Variants in TRIM55 observed in about 807,000 individuals in gnomAD.
TRIM55 encodes the protein tripartite motif-containing protein 55.
Under a neutral mutation model 60.9 loss-of-function variants are expected in TRIM55, and 50 were observed. The observed-to-expected ratio is 0.82, with a 90% CI of 0.65 to 1.04. The LOEUF (loss-of-function observed/expected upper bound fraction) is 1.04, where lower values mean the gene tolerates loss of function less well. Ranked by LOEUF, TRIM55 falls within the 50% of genes least tolerant of loss-of-function variation. The probability of loss-of-function intolerance (pLI) is 0.00; values close to 1 mark genes in which losing one functional copy is unlikely to be tolerated. For synonymous variants in TRIM55, 237 were observed against 238.1 expected (o/e 1.00, Z 0.04); for missense variants, 681 against 666.9 (o/e 1.02, Z -0.23).
intron 4 of TRIM55, among the ~76,000 whole-genome samples, chr8:66,142,075 A>C (rs1809848939): frequency 6.6e-6 from 1 of 152,222 alleles, no homozygotes; most frequent in South Asian, 2.1e-4. Context: ...TCAGCGTTAC[A>C]GTGGGGATGA....
upstream of TRIM55, among the ~76,000 whole-genome samples, chr8:66,125,200 C>T (rs921993526): frequency 2.0e-5 from 3 of 152,206 alleles, no homozygotes; most frequent in Admixed American, 6.5e-5. Context: ...TGGCACGCGC[C>T]CTTAACCTTG....
intron 9 of TRIM55, among the ~76,000 whole-genome samples, chr8:66,164,990 T>C (rs1398631175): frequency 1.3e-5 from 2 of 151,848 alleles, no homozygotes; most frequent in Non-Finnish European, 2.9e-5. Context: ...ACTTATGGTT[T>C]AAATGGTTTA....
chr8:66,151,903 G>A (rs1373542920), intron 7 of TRIM55, among the ~76,000 whole-genome samples: 1 of 150,850 alleles, frequency 6.6e-6, no homozygotes, highest in Non-Finnish European at 1.5e-5. Context: ...TAAAAGAGTC[G>A]TGACATTAAT....
At chr8:66,138,732 TCA>T (rs543038035) in intron 4 of TRIM55, among the ~76,000 whole-genome samples, 40 of 152,246 alleles carry the variant, frequency 2.6e-4, no homozygotes, top group Non-Finnish European at 5.4e-4. Context: ...ACAAGGAGAT[TCA>T]GTTTCTCAGT....
Position 66,152,411 on chromosome 8 carries a change from A to G in TRIM55, c.1020A>G (p.Glu340=). 6.2e-7 allele frequency: 1 copy of G among 1,609,410 alleles called. No individual in the cohort carries two copies. Among genetic ancestry groups the G allele is most frequent in the South Asian group, 1.1e-5 (1 of 90,642 alleles). The change falls in exon 8 of 10, where the codon GAA becomes GAG. Residue 340 remains glutamate (E), a synonymous_variant. Transcript: ENST00000315962. ...DEDEEEEEGG[E]GEKEGEGEVG... ...ATGAAGAAGAAGAAGAAGGCGGAGA[A>G]GGAGAAAAAGAAGGAGAAGGAGAAG...
chr8:66,154,028 T>C lies in TRIM55; in HGVS notation c.1237-19T>C. The stretch of plus-strand genomic sequence containing the variant: ...CTTTTTTTTTTTCTTTACTTTTGAA[T>C]TTATCTGTCCTGATTAAGGGGGAGG... On this transcript the variant is annotated intron_variant, in intron 8 of 9. Transcript: ENST00000315962. The C allele has an allele frequency of 6.4e-7, 1 of 1,563,824 alleles. No individual in the cohort carries two copies.
At chr8:66,121,631 G>A in the TRIM55 span, among the ~76,000 whole-genome samples, 1 of 152,164 alleles carries the variant, frequency 6.6e-6, no homozygotes, top group Non-Finnish European at 1.5e-5. Flanking sequence ...TGTTAAACTG[G>A]GTTCAAATAA....
intron 4 of TRIM55, among the ~76,000 whole-genome samples, chr8:66,138,152 A>G (rs991124081): frequency 1.3e-5 from 2 of 152,106 alleles, no homozygotes; most frequent in Non-Finnish European, 2.9e-5. Flanking sequence ...TTCATGGCAT[A>G]TAGTTCTCAT....
chr8:66,146,908 A>G (rs1810124407), intron 4 of TRIM55, among the ~76,000 whole-genome samples: 1 of 152,118 alleles, frequency 6.6e-6, no homozygotes, highest in Non-Finnish European at 1.5e-5. Context: ...GACTTCAAGC[A>G]TTTTCATCCC....
At chr8:66,117,775 C>G in the TRIM55 span, among the ~76,000 whole-genome samples, 2 of 152,040 alleles carry the variant, frequency 1.3e-5, no homozygotes, top group Non-Finnish European at 2.9e-5. Context: ...CAGACATGGG[C>G]CATTGGGAAG....
chr8:66,136,557 A>G (rs553409423), intron 3 of TRIM55, among the ~76,000 whole-genome samples: 1 of 152,238 alleles, frequency 6.6e-6, no homozygotes, highest in Non-Finnish European at 1.5e-5. Flanking sequence ...GAACAATAGA[A>G]TCTCTTCCTA....
At chr8:66,158,458 C>T (rs1810871540) in intron 9 of TRIM55, among the ~76,000 whole-genome samples, 1 of 152,092 alleles carries the variant, frequency 6.6e-6, no homozygotes, top group South Asian at 2.1e-4. Context: ...CTGTGGGGAT[C>T]CAAAAGTTAG....
At chr8:66,171,766 G>A (rs983043067) in intron 9 of TRIM55, among the ~76,000 whole-genome samples, 1 of 152,158 alleles carries the variant, frequency 6.6e-6, no homozygotes, top group African/African-American at 2.4e-5. Context: ...TTGATTTGAT[G>A]GGCTGTGCTT....
In TRIM55 at chr8:66,137,077, A is replaced by G; in HGVS notation, c.508-18A>G. On this transcript the variant is annotated intron_variant, in intron 3 of 9. Transcript: ENST00000315962. ...AGGAAACCCCTAAGATATTGGGTTC[A>G]TGTTTTCTCTTCATTAGTCTGAGCT... is the stretch of plus-strand genomic sequence containing the variant. The G allele has an allele frequency of 1.2e-6, 2 of 1,610,784 alleles. No homozygotes were observed. Among genetic ancestry groups the G allele is most frequent in the African/African-American group, 1.3e-5 (1 of 74,940 alleles).
At chr8:66,170,545 G>C (rs926035216) in intron 9 of TRIM55, among the ~76,000 whole-genome samples, 1 of 152,184 alleles carries the variant, frequency 6.6e-6, no homozygotes. Flanking sequence ...CTTGGCTATT[G>C]TGAATAATGT....
chr8:66,118,464 T>G, the TRIM55 span, among the ~76,000 whole-genome samples: 1 of 152,138 alleles, frequency 6.6e-6, no homozygotes, highest in African/African-American at 2.4e-5. Context: ...ATATGCAAGC[T>G]ACCTATTGCC....
At chr8:66,146,286 TA>T (rs910823522) in intron 4 of TRIM55, among the ~76,000 whole-genome samples, 4 of 151,790 alleles carry the variant, frequency 2.6e-5, no homozygotes, top group African/African-American at 9.7e-5. Context: ...ATAAGTTATT[TA>T]AAAAAACAGA....
At chr8:66,117,597 T>A in the TRIM55 span, among the ~76,000 whole-genome samples, 1 of 152,182 alleles carries the variant, frequency 6.6e-6, no homozygotes, top group Non-Finnish European at 1.5e-5. Flanking sequence ...GATTAATATC[T>A]TTATCCTAGA....
chr8:66,156,440 G>A (rs374916636), intron 9 of TRIM55, among the ~76,000 whole-genome samples: 2 of 152,090 alleles, frequency 1.3e-5, no homozygotes, highest in East Asian at 3.9e-4. Context: ...TATTATTTCC[G>A]AGTCACCGTT....
Sources: gnomAD v4.1 joint callset for allele counts (sites outside exome capture counted in the v4.1 genomes callset) on GRCh38, gnomAD v4.1.1 for gene constraint, MANE v1.5 for transcripts, NCBI Gene and HGNC (gene_info 2026-07-23, HGNC 2026-07-21) for gene names.